Variants in GLYATL3 observed in about 807,000 individuals in gnomAD.
GLYATL3 encodes the protein glycine N-acyltransferase-like protein 3.
A neutral mutation model predicts 28.5 loss-of-function variants in GLYATL3; 31 were observed. That is an observed-to-expected ratio of 1.09 (90% CI 0.82 to 1.47). GLYATL3 has a LOEUF of 1.47. GLYATL3 is among the 40% of genes most tolerant of loss of function. The probability of loss-of-function intolerance (pLI) is 0.00; values close to 1 mark genes in which losing one functional copy is unlikely to be tolerated. For synonymous variants in GLYATL3, 141 were observed against 140.2 expected, an observed-to-expected ratio of 1.01 and a Z score of -0.04; for missense variants, 369 against 351.5, an observed-to-expected ratio of 1.05 and a Z score of -0.40.
Position 49,501,083 on chromosome 6 carries a change from C to A in GLYATL3, c.-29+1041C>A, listed in dbSNP as rs113103568. On this transcript the variant is annotated intron_variant, in intron 1 of 5. Coordinates refer to ENST00000371197, the MANE Select transcript of GLYATL3 (RefSeq NM_001010904.2). ...ATAGTCTAGAAGGGTAAGTTGAAGC[C>A]AATTAAGTAGAGGTTTTGCTATTAA... 5.7e-3 allele frequency among the ~76,000 whole-genome samples: 865 copies of A among 152,190 alleles called. 5 individuals are homozygous for A. The highest frequency in any genetic ancestry group is 0.019 in the African/African-American group (771 of 41,512).
At chr6:49,502,713 T>C (rs1008597582) in intron 1 of GLYATL3, among the ~76,000 whole-genome samples, 1 of 152,200 alleles carries the variant, frequency 6.6e-6, no homozygotes, top group African/African-American at 2.4e-5. Flanking sequence ...TAGATTGATG[T>C]AATGCAACTC....
chr6:49,511,271 G>A (rs1769117571), intron 1 of GLYATL3, among the ~76,000 whole-genome samples: 1 of 152,198 alleles, frequency 6.6e-6, no homozygotes, highest in Non-Finnish European at 1.5e-5. Flanking sequence ...CTAATTGCAT[G>A]AGAACAGATG....
Position 49,519,382 on chromosome 6 carries a change from C to T in GLYATL3, c.313+1826C>T, listed in dbSNP as rs1223864160. ...AATATAGCTGGAGTAGTAACGGTCC[C>T]TCATTTAGCACATAAGTCAGCCTGG... On this transcript the variant is annotated intron_variant, in intron 4 of 5. Coordinates refer to ENST00000371197, the MANE Select transcript of GLYATL3 (RefSeq NM_001010904.2). 2.6e-5 allele frequency among the ~76,000 whole-genome samples: 4 copies of T among 152,260 alleles called. No individual in the cohort carries two copies. In the South Asian group the frequency reaches 6.2e-4, roughly 24 times the overall value.
intron 1 of GLYATL3, among the ~76,000 whole-genome samples, chr6:49,510,521 T>C (rs191413846): frequency 1.3e-5 from 2 of 152,354 alleles, no homozygotes; most frequent in Admixed American, 6.5e-5. Context: ...CCCTTTGAAA[T>C]AATTTTGTTT....
At chr6:49,514,187 A>G (rs957988089) in intron 2 of GLYATL3, among the ~76,000 whole-genome samples, 1 of 152,206 alleles carries the variant, frequency 6.6e-6, no homozygotes, top group Middle Eastern at 3.4e-3. Context: ...TCCAACCGCT[A>G]CCTCTCCCTG....
intron 1 of GLYATL3, among the ~76,000 whole-genome samples, chr6:49,501,809 A>T (rs1450775269): frequency 2.6e-5 from 4 of 152,230 alleles, no homozygotes; most frequent in Non-Finnish European, 5.9e-5. Flanking sequence ...TGAGCGTGTT[A>T]TAGCCCTATC....
chr6:49,516,449 G>GA (rs1769216347), intron 3 of GLYATL3, among the ~76,000 whole-genome samples: 1 of 152,084 alleles, frequency 6.6e-6, no homozygotes, highest in Admixed American at 6.6e-5. Flanking sequence ...TGGGTATTTG[G>GA]AAGAAGAGTG....
At chr6:49,503,423 T>C (rs1768949457) in intron 1 of GLYATL3, among the ~76,000 whole-genome samples, 1 of 152,248 alleles carries the variant, frequency 6.6e-6, no homozygotes. Flanking sequence ...GCCTTGGCTT[T>C]GGAGGGGCAA....
At position 49,508,152 on chromosome 6, in the gene GLYATL3, C is replaced by T. The variant is rs570631620; in HGVS notation, c.-28-3811C>T. ...TCTACTAAAAATTTAAAAAATTAGC[C>T]GGGTGTGGTGGCGGGCGCCTGTAGT... On this transcript the variant is annotated intron_variant, in intron 1 of 5. Transcript: ENST00000371197. Among the ~76,000 whole-genome samples the T allele has an allele frequency of 5.9e-5, 9 of 151,964 alleles. No individual in the cohort carries two copies. In the East Asian group the frequency reaches 1.2e-3, roughly 20 times the overall value.
intron 2 of GLYATL3, 128 bp downstream of exon 2, chr6:49,512,196 G>C: frequency 4.4e-6 from 2 of 456,808 alleles, no homozygotes; most frequent in Non-Finnish European, 7.7e-6. Context: ...TAAACATACA[G>C]CTTCCCAGCT....
At chr6:49,501,302 C>G (rs145056877) in intron 1 of GLYATL3, among the ~76,000 whole-genome samples, 1 of 152,074 alleles carries the variant, frequency 6.6e-6, no homozygotes, top group Non-Finnish European at 1.5e-5. Context: ...GCCAGCAGCC[C>G]GCAATGCAAC....
In GLYATL3 at chr6:49,526,628, G is replaced by A. The variant is rs543012165; in HGVS notation, c.581G>A (p.Arg194Gln). The change falls in exon 6 of 6, where the codon CGG (arginine) becomes CAG (glutamine). Residue 194 changes from arginine (R) to glutamine (Q), a missense_variant. Arg to Gln is a conservative substitution (Grantham distance 43). Coordinates refer to ENST00000371197, the MANE Select transcript of GLYATL3 (RefSeq NM_001010904.2). ...LISCFPSVCVRDEKGNPVSWS... is the reference protein window; with the variant it reads ...LISCFPSVCVQDEKGNPVSWS... ...TCCTGCTTCCCTAGTGTGTGTGTCC[G>A]GGATGAGAAGGGAAACCCGGTCTCC... is the stretch of plus-strand genomic sequence containing the variant. 1.2e-5 allele frequency: 19 copies of A among 1,551,900 alleles called. No individual in the cohort carries two copies. Among genetic ancestry groups the A allele is most frequent in the East Asian group, 2.4e-5 (1 of 40,900 alleles).
intron 1 of GLYATL3, among the ~76,000 whole-genome samples, chr6:49,501,757 T>C (rs1768917227): frequency 6.6e-6 from 1 of 152,120 alleles, no homozygotes; most frequent in Non-Finnish European, 1.5e-5. Context: ...CAGAAGGAAA[T>C]ATGTCTTAAC....
chr6:49,525,005 T>C (rs1236408024), intron 5 of GLYATL3, among the ~76,000 whole-genome samples: 1 of 147,528 alleles, frequency 6.8e-6, no homozygotes, highest in Non-Finnish European at 1.5e-5. Flanking sequence ...CAAACATTTC[T>C]AAAGCATGCA....
At chr6:49,509,033 T>C (rs1239005701) in intron 1 of GLYATL3, among the ~76,000 whole-genome samples, 2 of 152,010 alleles carry the variant, frequency 1.3e-5, no homozygotes, top group African/African-American at 2.4e-5. Flanking sequence ...TATTGGACTT[T>C]AGAGATGGCA....
intron 1 of GLYATL3, among the ~76,000 whole-genome samples, chr6:49,506,825 G>A (rs1769019253): frequency 6.6e-6 from 1 of 152,210 alleles, no homozygotes; most frequent in Admixed American, 6.5e-5. Flanking sequence ...CATCTATTGT[G>A]AAGGGGCAGG....
At chr6:49,507,387 G>A (rs1051975456) in intron 1 of GLYATL3, among the ~76,000 whole-genome samples, 17 of 152,080 alleles carry the variant, frequency 1.1e-4, no homozygotes, top group African/African-American at 3.9e-4. Flanking sequence ...CTTTGTCAGG[G>A]AACCAAGGAC....
chr6:49,504,803 C>T (rs552887905), intron 1 of GLYATL3, among the ~76,000 whole-genome samples: 134 of 152,198 alleles, frequency 8.8e-4, no homozygotes, highest in African/African-American at 3.0e-3. Context: ...ATTCCCATAA[C>T]CGCAAAACAT....
At chr6:49,502,126 T>A (rs921827904) in intron 1 of GLYATL3, among the ~76,000 whole-genome samples, 11 of 152,218 alleles carry the variant, frequency 7.2e-5, no homozygotes, top group Admixed American at 3.3e-4. Flanking sequence ...TCTCCCTACA[T>A]CTCCTCCTTT....
Sources: allele counts gnomAD v4.1 joint callset (sites outside exome capture counted in the v4.1 genomes callset), GRCh38; gene constraint gnomAD v4.1.1; transcripts MANE v1.5; gene names NCBI Gene and HGNC (gene_info 2026-07-23, HGNC 2026-07-21).